The following ITPR1 variants were observed in gnomAD, a reference collection of about 807,000 sequenced individuals.
ITPR1 encodes inositol 1,4,5-trisphosphate-gated calcium channel ITPR1.
In ITPR1, 96 loss-of-function variants were observed where a neutral mutation model predicts 318.4. The ratio of observed to expected loss-of-function variants is 0.30; its 90% CI spans 0.26 to 0.36. The LOEUF (loss-of-function observed/expected upper bound fraction) is 0.36, where lower values mean the gene tolerates loss of function less well. Ranked by LOEUF, ITPR1 falls within the 10% of genes least tolerant of loss-of-function variation. ITPR1 has a pLI of 1.00. For synonymous variants in ITPR1, 1,312 were observed against 1,289.9 expected, an observed-to-expected ratio of 1.02 and a Z score of -0.37; for missense variants, 2,440 against 3,460.2, an observed-to-expected ratio of 0.71 and a Z score of 7.40.
At chr3:4,642,974 A>T (rs537849614) in intron 7 of ITPR1, among the ~76,000 whole-genome samples, 1 of 152,368 alleles carries the variant, frequency 6.6e-6, no homozygotes, top group South Asian at 2.1e-4. Flanking sequence ...AATAGTCTCA[A>T]AATGCTCAAC....
intron 40 of ITPR1, among the ~76,000 whole-genome samples, chr3:4,723,544 A>C (rs2042309199): frequency 6.6e-6 from 1 of 152,104 alleles, no homozygotes; most frequent in South Asian, 2.1e-4. Context: ...GTACAATCAT[A>C]AAACATAATC....
Position 4,811,339 on chromosome 3 carries a change from C to G in ITPR1, c.7347C>G (p.Ile2449Met). The G allele has an allele frequency of 1.9e-6, 3 of 1,613,840 alleles. No homozygotes were observed. Among genetic ancestry groups the G allele is most frequent in the Non-Finnish European group, 2.5e-6 (3 of 1,179,758 alleles). Residue 2449 changes from isoleucine to methionine, a missense_variant, in exon 56 of 62, where the codon ATC becomes ATG. Physicochemically the swap from Ile to Met is conservative, Grantham distance 10 (BLOSUM62 1). This residue lies in a region of ITPR1 where 10 missense variants were observed against 47.2 expected (regional missense o/e 0.21). Coordinates refer to ENST00000649015, the MANE Select transcript of ITPR1 (RefSeq NM_001378452.1). ...IKSVTRNGRS[I>M]ILTAVLALIL... Reference sequence around the variant, plus strand: ...GTGTCACTCGCAATGGACGGTCCATCATCCTGACAGCAGTTCTGGCTCTGA... The same window carrying G: ...GTGTCACTCGCAATGGACGGTCCATGATCCTGACAGCAGTTCTGGCTCTGA...
intron 42 of ITPR1, among the ~76,000 whole-genome samples, chr3:4,730,371 A>ATG (rs369249391): frequency 0.029 from 1,642 of 57,328 alleles, 16 homozygotes; most frequent in East Asian, 0.06. Context: ...GTTGGGTGGA[A>ATG]TGTGTGTGTG....
rs1322378024 is a variant in ITPR1 at position 4,847,366 on chromosome 3, G to C, written c.*1141G>C. 1 of 138,910 alleles carries C rather than the reference G, an allele frequency of 7.2e-6. No individual in the cohort carries two copies. Among genetic ancestry groups the C allele is most frequent in the African/African-American group, 2.7e-5 (1 of 36,526 alleles). The allele number at this position is 138,910 out of a possible 1,614,324, so 8.6% of individuals were successfully genotyped here. A position where few individuals can be genotyped will look rare whatever the true frequency, so the allele number is the denominator to read the frequency against. On this transcript the variant is annotated 3_prime_UTR_variant, in exon 62 of 62. Transcript: ENST00000649015. ...ATATCTGTTGCCTAGTTTTGTACAT[G>C]GATCTCATTTTACAAGAGAATCTCT... is the stretch of plus-strand genomic sequence containing the variant.
intron 55 of ITPR1, 124 bp downstream of exon 55, chr3:4,806,391 G>A: frequency 1.0e-6 from 1 of 967,398 alleles, no homozygotes; most frequent in Non-Finnish European, 1.6e-6. Flanking sequence ...CAAGATTGAA[G>A]CTCCACAGTT....
chr3:4,785,112 G>C (rs574900951), intron 51 of ITPR1, among the ~76,000 whole-genome samples: 2 of 152,272 alleles, frequency 1.3e-5, no homozygotes, highest in South Asian at 4.1e-4. Flanking sequence ...TTCTCTGGGG[G>C]AAAGAAACAA....
intron 4 of ITPR1, among the ~76,000 whole-genome samples, chr3:4,604,259 A>C (rs1220355200): frequency 1.3e-5 from 2 of 152,144 alleles, no homozygotes; most frequent in Non-Finnish European, 2.9e-5. Context: ...TTTGGAACAC[A>C]GTGATGAGTA....
chr3:4,603,548 G>C (rs1246066938), intron 4 of ITPR1, among the ~76,000 whole-genome samples: 2 of 152,104 alleles, frequency 1.3e-5, no homozygotes, highest in African/African-American at 4.8e-5. Context: ...TCCTGCCTCA[G>C]CCTCCTGAGT....
chr3:4,699,444 G>A (rs144846234), intron 34 of ITPR1, among the ~76,000 whole-genome samples: 5 of 152,292 alleles, frequency 3.3e-5, no homozygotes, highest in Admixed American at 6.5e-5. Context: ...GTCTAGAACC[G>A]AGGAATGGAT....
chr3:4,565,172 G>C (rs904583833), intron 4 of ITPR1, among the ~76,000 whole-genome samples: 5 of 152,128 alleles, frequency 3.3e-5, no homozygotes, highest in Non-Finnish European at 7.4e-5. Context: ...TCTGGAGTTT[G>C]TTCTGTGAGC....
rs2093916832 is a variant in ITPR1, at chr3:4,665,031, T to C, written c.1555-107T>C. The C allele has an allele frequency of 2.5e-6, 3 of 1,197,084 alleles. No homozygotes were observed. In the Admixed American group the frequency reaches 5.2e-5, roughly 21 times the overall value. 74.2% of individuals were successfully genotyped at this position (1,197,084 alleles called of 1,614,324 possible). On this transcript the variant is annotated intron_variant, in intron 16 of 61. Coordinates refer to ENST00000649015, the MANE Select transcript of ITPR1 (RefSeq NM_001378452.1). ...TTATGGATGTGTTGGGATAGAGAAATTTTCTAATGTAATCCAGCCACCCTT... is the reference window on the plus strand; with the variant it reads ...TTATGGATGTGTTGGGATAGAGAAACTTTCTAATGTAATCCAGCCACCCTT...
chr3:4,703,257 G>T (rs531431558), intron 36 of ITPR1, among the ~76,000 whole-genome samples: 1 of 152,194 alleles, frequency 6.6e-6, no homozygotes, highest in Non-Finnish European at 1.5e-5. Context: ...GCCCTGGGAA[G>T]TCCCTCATTC....
intron 23 of ITPR1, 51 bp downstream of exon 23, chr3:4,675,299 C>T: frequency 7.4e-7 from 1 of 1,343,246 alleles, no homozygotes; most frequent in South Asian, 1.3e-5. Flanking sequence ...CCAGCCTTTC[C>T]TGTTATGCTC....
In ITPR1 at chr3:4,597,280, T is replaced by C. The variant is rs187075873; in HGVS notation, c.164-30483T>C. On this transcript the variant is annotated intron_variant, in intron 4 of 61. Coordinates refer to ENST00000649015, the MANE Select transcript of ITPR1 (RefSeq NM_001378452.1). ...TAGAATGTTGTCTGTGAGCTGGATT[T>C]GGCTTGAAGTCAACCAGCTGGCAAA... 2.0e-3 allele frequency among the ~76,000 whole-genome samples: 299 copies of C among 152,376 alleles called. 3 individuals carry two copies. The highest frequency in any genetic ancestry group is 6.6e-3 in the African/African-American group (276 of 41,590).
chr3:4,751,954 G>T (rs1015592404), intron 44 of ITPR1, among the ~76,000 whole-genome samples: 1 of 152,076 alleles, frequency 6.6e-6, no homozygotes, highest in Non-Finnish European at 1.5e-5. Context: ...ATCTATGCCC[G>T]CTCACATTTC....
chr3:4,782,968 G>C (rs1422779048), intron 50 of ITPR1, among the ~76,000 whole-genome samples: 1 of 152,164 alleles, frequency 6.6e-6, no homozygotes, highest in Non-Finnish European at 1.5e-5. Flanking sequence ...GGAAATCCCC[G>C]TGTTTCTTAA....
intron 40 of ITPR1, 98 bp from the exon 41 acceptor site, chr3:4,725,448 C>T: frequency 2.0e-6 from 2 of 997,224 alleles, no homozygotes; most frequent in South Asian, 1.3e-5. Context: ...CTGATCCTTC[C>T]TCCTGTGTTT....
chr3:4,655,796 T>G (rs1432573727), intron 12 of ITPR1, among the ~76,000 whole-genome samples: 2 of 152,112 alleles, frequency 1.3e-5, no homozygotes, highest in African/African-American at 4.8e-5. Context: ...ACTTCGATGT[T>G]GATTGGGGGT....
chr3:4,787,737 G>A lies in ITPR1; in HGVS notation c.6616-210G>A, dbSNP rs11712938. On this transcript the variant is annotated intron_variant, in intron 51 of 61. Coordinates refer to ENST00000649015, the MANE Select transcript of ITPR1 (RefSeq NM_001378452.1). Reference sequence around the variant, plus strand: ...TAAAAATTAAAAATAAATAAATAAAGTTAATGGATCTGAAGTTAGGAAAAT... The same window carrying A: ...TAAAAATTAAAAATAAATAAATAAAATTAATGGATCTGAAGTTAGGAAAAT... Among the ~76,000 whole-genome samples, 43,951 of 151,784 alleles carry A rather than the reference G, an allele frequency of 0.29. 6,781 individuals are homozygous for A. Among genetic ancestry groups the A allele is most frequent in the South Asian group, 0.33 (1,599 of 4,802 alleles).
Sources: gnomAD v4.1 joint callset for allele counts (sites outside exome capture counted in the v4.1 genomes callset) on GRCh38, gnomAD v4.1.1 for gene constraint, gnomAD v4.1.1 regional missense constraint, MANE v1.5 for transcripts, NCBI Gene and HGNC (gene_info 2026-07-23, HGNC 2026-07-21) for gene names.